The following PCTP variants were observed in gnomAD, a reference collection of about 807,000 sequenced individuals.
PCTP encodes the protein START domain-containing protein 2.
Under a neutral mutation model 31.0 loss-of-function variants are expected in PCTP, and 27 were observed. The ratio of observed to expected loss-of-function variants is 0.87; its 90% CI spans 0.64 to 1.20. The LOEUF is 1.20. Among genes scored for constraint, PCTP ranks in the 50% most tolerant of loss-of-function variants. The pLI is 0.00. For synonymous variants in PCTP, 108 were observed against 101.2 expected (o/e 1.07, Z -0.40); for missense variants, 287 against 268.2 (o/e 1.07, Z -0.49).
chr17:55,790,034 C>T (rs933660902), intron 3 of PCTP, among the ~76,000 whole-genome samples: 3 of 152,150 alleles, frequency 2.0e-5, no homozygotes, highest in Admixed American at 6.5e-5. Flanking sequence ...AGCATATAAA[C>T]AGAACCAAAG....
chr17:55,825,627 C>A (rs150932527), downstream of PCTP, among the ~76,000 whole-genome samples: 1 of 152,292 alleles, frequency 6.6e-6, no homozygotes, highest in African/African-American at 2.4e-5. Context: ...TGCATGTATT[C>A]GTATTAAATC....
chr17:55,846,492 G>A (rs1906153812), downstream of PCTP, among the ~76,000 whole-genome samples: 1 of 152,142 alleles, frequency 6.6e-6, no homozygotes, highest in Non-Finnish European at 1.5e-5. Context: ...GTGTAAAGAG[G>A]ATCTAATTTA....
chr17:55,834,303 G>C (rs1346821954), intron 5 of PCTP, among the ~76,000 whole-genome samples: 2 of 152,084 alleles, frequency 1.3e-5, no homozygotes, highest in African/African-American at 4.8e-5. Flanking sequence ...TCATCACCTA[G>C]GTATTAAGCC....
intron 2 of PCTP, among the ~76,000 whole-genome samples, chr17:55,785,327 C>T (rs1300639148): frequency 6.6e-6 from 1 of 152,202 alleles, no homozygotes; most frequent in Non-Finnish European, 1.5e-5. Flanking sequence ...TAAATCCTTC[C>T]AACAGCCTCC....
chr17:55,797,022 C>T (rs1350507220), intron 3 of PCTP, among the ~76,000 whole-genome samples: 1 of 151,872 alleles, frequency 6.6e-6, no homozygotes, highest in Non-Finnish European at 1.5e-5. Flanking sequence ...GGAACACCAG[C>T]ATTCAAATAA....
intron 3 of PCTP, among the ~76,000 whole-genome samples, chr17:55,790,794 G>GA (rs1911935958): frequency 6.7e-6 from 1 of 148,988 alleles, no homozygotes; most frequent in Admixed American, 6.6e-5. Flanking sequence ...CACAGAATTG[G>GA]AAAAAACTAC....
At chr17:55,814,189 A>G (rs887556322) in intron 3 of PCTP, among the ~76,000 whole-genome samples, 2 of 152,146 alleles carry the variant, frequency 1.3e-5, no homozygotes, top group African/African-American at 4.8e-5. Context: ...GCTTATTCAT[A>G]TCCATTCTAG....
intron 3 of PCTP, among the ~76,000 whole-genome samples, chr17:55,771,637 C>T (rs930837424): frequency 2.6e-5 from 4 of 152,150 alleles, no homozygotes; most frequent in Admixed American, 1.3e-4. Context: ...CAGCTCTCTC[C>T]GCCTCCCCCA....
At chr17:55,790,462 G>T (rs1253221954) in intron 3 of PCTP, among the ~76,000 whole-genome samples, 3 of 149,356 alleles carry the variant, frequency 2.0e-5, no homozygotes, top group Admixed American at 6.7e-5. Context: ...AAAGTCTCAG[G>T]ATACAAAATC....
chr17:55,782,333 G>A (rs1911594093), downstream of PCTP, among the ~76,000 whole-genome samples: 1 of 152,182 alleles, frequency 6.6e-6, no homozygotes, highest in African/African-American at 2.4e-5. Flanking sequence ...ACAGCCCATA[G>A]CCTAGTCAAG....
At chr17:55,852,415 C>T in the PCTP span, among the ~76,000 whole-genome samples, 5 of 152,282 alleles carry the variant, frequency 3.3e-5, no homozygotes, top group Admixed American at 2.6e-4. Flanking sequence ...CATACAACTT[C>T]ACCAGGTACT....
At chr17:55,773,297 C>T (rs1347786934) in intron 3 of PCTP, among the ~76,000 whole-genome samples, 1 of 152,178 alleles carries the variant, frequency 6.6e-6, no homozygotes, top group East Asian at 1.9e-4. Flanking sequence ...CTGCCCAGGT[C>T]TTTCTCTAAT....
At chr17:55,770,700 A>G (rs1232288607) in intron 2 of PCTP, 1 of 152,804 alleles carries the variant, frequency 6.5e-6, no homozygotes, top group African/African-American at 2.5e-5. Context: ...GTTTATCATA[A>G]CCTAAGAGGT....
chr17:55,787,780 A>T, intron 3 of PCTP: 1 of 152,216 alleles, frequency 6.6e-6, no homozygotes, highest in African/African-American at 2.4e-5. Flanking sequence ...AAAGATAATT[A>T]CCACATTCTC....
chr17:55,794,872 A>C (rs1352817735), intron 3 of PCTP, among the ~76,000 whole-genome samples: 1 of 151,966 alleles, frequency 6.6e-6, no homozygotes, highest in Non-Finnish European at 1.5e-5. Flanking sequence ...AAACACTCTC[A>C]TTATTAATCT....
chr17:55,803,045 A>G (rs188635905), intron 3 of PCTP, among the ~76,000 whole-genome samples: 201 of 152,336 alleles, frequency 1.3e-3, no homozygotes, highest in African/African-American at 4.7e-3. Flanking sequence ...AAAAATCACA[A>G]GCATTCCTGT....
intron 1 of PCTP, among the ~76,000 whole-genome samples, chr17:55,758,203 C>G (rs1423108436): frequency 2.0e-5 from 3 of 152,198 alleles, no homozygotes; most frequent in Non-Finnish European, 4.4e-5. Context: ...GTTTTTAAAT[C>G]TAAATATCTG....
intron 5 of PCTP, among the ~76,000 whole-genome samples, chr17:55,841,815 T>C (rs1035020235): frequency 6.6e-6 from 1 of 152,194 alleles, no homozygotes; most frequent in Non-Finnish European, 1.5e-5. Flanking sequence ...TATGACATGG[T>C]GATTCTCATT....
chr17:55,770,622 C>T (rs976986752), intron 2 of PCTP: 1 of 152,344 alleles, frequency 6.6e-6, no homozygotes, highest in Non-Finnish European at 1.5e-5. Flanking sequence ...TGTCCCTGGG[C>T]AATAAGCTTT....
Sources: gnomAD v4.1 joint callset for allele counts (sites outside exome capture counted in the v4.1 genomes callset) on GRCh38, gnomAD v4.1.1 for gene constraint, MANE v1.5 for transcripts, NCBI Gene and HGNC (gene_info 2026-07-23, HGNC 2026-07-21) for gene names.